The following REEP1 variants were observed in gnomAD, a reference collection of about 807,000 sequenced individuals.
REEP1 encodes receptor expression-enhancing protein 1.
REEP1 carries 22 observed loss-of-function variants against 40.3 expected under a neutral mutation model. The observed-to-expected ratio is 0.55, with a 90% confidence interval of 0.39 to 0.78. The LOEUF (loss-of-function observed/expected upper bound fraction) is 0.78. Ranked by LOEUF, REEP1 falls within the 30% of genes least tolerant of loss-of-function variation. REEP1 has a pLI of 0.00. For synonymous variants in REEP1, 116 were observed against 139.2 expected, an observed-to-expected ratio of 0.83 and a Z score of 1.17; for missense variants, 280 against 361.1, an observed-to-expected ratio of 0.78 and a Z score of 1.82.
At chr2:86,284,976 A>C (rs67903513) in intron 1 of REEP1, among the ~76,000 whole-genome samples, 49,750 of 152,184 alleles carry the variant, frequency 0.33, 9,486 homozygotes, top group Middle Eastern at 0.45. Flanking sequence ...ATGGGATGAA[A>C]ATGGTCAGTT....
intron 1 of REEP1, among the ~76,000 whole-genome samples, chr2:86,283,879 A>C (rs1285593478): frequency 2.6e-5 from 4 of 152,128 alleles, no homozygotes; most frequent in Admixed American, 2.6e-4. Context: ...GCCTCCTCCA[A>C]GCCTGGCTTC....
chr2:86,217,124 C>T lies in REEP1; in HGVS notation c.784-14G>A. The T allele has an allele frequency of 6.2e-7, 1 of 1,610,412 alleles. No individual in the cohort carries two copies. Among genetic ancestry groups the T allele is most frequent in the Non-Finnish European group, 8.5e-7 (1 of 1,176,648 alleles). On this transcript the variant is annotated splice_polypyrimidine_tract_variant and intron_variant, in intron 8 of 8. Coordinates refer to ENST00000538924, the MANE Select transcript of REEP1 (RefSeq NM_001371279.1). ...TCTAGGCGGTGCCTGGTAGAGAAAA[C>T]AGAAAGGTGTCCCTCAGTTTGGTGT...
At chr2:86,331,724 A>G (rs1680774687) in intron 1 of REEP1, among the ~76,000 whole-genome samples, 1 of 152,182 alleles carries the variant, frequency 6.6e-6, no homozygotes, top group Admixed American at 6.5e-5. Context: ...GTTAACTCAA[A>G]TAACAGATGC....
In REEP1 at chr2:86,288,692, G is replaced by A. The variant is rs368704145; in HGVS notation, c.33-6450C>T. 1.2e-4 allele frequency among the ~76,000 whole-genome samples: 18 copies of A among 152,270 alleles called. No homozygotes were observed. In the South Asian group the frequency reaches 2.5e-3, roughly 21 times the overall value. ...TCCACCAGATAATGCAAAACCACTT[G>A]CCAGAATGACTGTACCAATTTATAC... On this transcript the variant is annotated intron_variant, in intron 1 of 8. Coordinates refer to ENST00000538924, the MANE Select transcript of REEP1 (RefSeq NM_001371279.1).
At chr2:86,251,921 G>T in intron 5 of REEP1, 36 bp downstream of exon 5, 1 of 1,416,298 alleles carries the variant, frequency 7.1e-7, no homozygotes, top group South Asian at 1.1e-5. Context: ...TAGAGGGACT[G>T]AGACTCATGT....
chr2:86,273,626 C>T (rs557717868), intron 2 of REEP1, among the ~76,000 whole-genome samples: 128 of 152,236 alleles, frequency 8.4e-4, no homozygotes, highest in Middle Eastern at 3.4e-3. Context: ...CATCCACACC[C>T]CTACCCTCTC....
chr2:86,222,384 T>C (rs1020918501), intron 7 of REEP1, among the ~76,000 whole-genome samples: 1 of 152,180 alleles, frequency 6.6e-6, no homozygotes, highest in Admixed American at 6.5e-5. Flanking sequence ...GGAGCCAGAA[T>C]AGCCTCAGGA....
chr2:86,266,432 A>G (rs1677136270), intron 2 of REEP1, among the ~76,000 whole-genome samples: 1 of 150,754 alleles, frequency 6.6e-6, no homozygotes, highest in Non-Finnish European at 1.5e-5. Flanking sequence ...ATCCTGGCTA[A>G]CAAGGTGAAA....
chr2:86,237,880 T>C (rs1392003168), intron 5 of REEP1, among the ~76,000 whole-genome samples: 2 of 152,130 alleles, frequency 1.3e-5, no homozygotes, highest in Non-Finnish European at 2.9e-5. Flanking sequence ...GTCTTTTTGA[T>C]AAGAAGAAAT....
chr2:86,320,932 C>T (rs992134903), intron 1 of REEP1, among the ~76,000 whole-genome samples: 3 of 152,228 alleles, frequency 2.0e-5, no homozygotes, highest in Non-Finnish European at 2.9e-5. Context: ...GATTCTCCTG[C>T]CTCAGCCTCC....
intron 5 of REEP1, among the ~76,000 whole-genome samples, chr2:86,250,681 T>C (rs764175310): frequency 2.0e-5 from 3 of 151,884 alleles, no homozygotes; most frequent in Non-Finnish European, 4.4e-5. Flanking sequence ...TTCTGTGTTA[T>C]AGATGGAGCT....
At chr2:86,302,909 G>T (rs886428526) in intron 1 of REEP1, among the ~76,000 whole-genome samples, 55 of 152,132 alleles carry the variant, frequency 3.6e-4, no homozygotes, top group African/African-American at 1.2e-3. Context: ...CAGATCCTTT[G>T]TACTGTCATG....
intron 8 of REEP1, among the ~76,000 whole-genome samples, chr2:86,218,070 A>G (rs531719334): frequency 6.6e-6 from 1 of 152,120 alleles, no homozygotes; most frequent in East Asian, 1.9e-4. Context: ...TCATGCCTCT[A>G]TTCCTTCTGA....
At chr2:86,337,876 G>A, upstream of REEP1, 3 of 892,674 alleles carry the variant, frequency 3.4e-6, no homozygotes, top group Non-Finnish European at 3.4e-6. This position sits in a 1 kb window ranked among gnomAD's most constrained non-coding sequence, Gnocchi z 5.8. Flanking sequence ...CCGTTTGCAG[G>A]GCAGGGACCC....
rs115662954 is a variant in REEP1, at chr2:86,277,720, C to T, written c.105+4450G>A. ...AGCAACGGGAGCATGAATTGGATGG[C>T]GGAAGAGGAAAGCCTCAGGAAAACC... On this transcript the variant is annotated intron_variant, in intron 2 of 8. Coordinates refer to ENST00000538924, the MANE Select transcript of REEP1 (RefSeq NM_001371279.1). Among the ~76,000 whole-genome samples the T allele has an allele frequency of 2.9e-3, 443 of 152,206 alleles. 2 individuals are homozygous for T. Among genetic ancestry groups the T allele is most frequent in the African/African-American group, 7.5e-3 (311 of 41,516 alleles).
intron 7 of REEP1, among the ~76,000 whole-genome samples, chr2:86,225,145 A>G (rs886479466): frequency 6.6e-6 from 1 of 152,140 alleles, no homozygotes; most frequent in African/African-American, 2.4e-5. Context: ...TTCATTTCCA[A>G]CTTGGACCAG....
At chr2:86,254,223 G>T (rs1403997546) in intron 4 of REEP1, among the ~76,000 whole-genome samples, 1 of 151,890 alleles carries the variant, frequency 6.6e-6, no homozygotes, top group African/African-American at 2.4e-5. Flanking sequence ...AAGAGATGGG[G>T]ACTCTCTAGG....
chr2:86,236,372 T>C (rs148741558), intron 5 of REEP1, among the ~76,000 whole-genome samples: 8 of 152,348 alleles, frequency 5.3e-5, no homozygotes, highest in African/African-American at 1.7e-4. Flanking sequence ...TTCTAGACCA[T>C]TGTCTTCTGG....
chr2:86,272,285 T>C (rs1677500331), intron 2 of REEP1, among the ~76,000 whole-genome samples: 1 of 152,142 alleles, frequency 6.6e-6, no homozygotes, highest in South Asian at 2.1e-4. Context: ...CTCCAGTGAG[T>C]CATCTATACT....
Sources: gnomAD v4.1 joint callset for allele counts (sites outside exome capture counted in the v4.1 genomes callset) on GRCh38, gnomAD v4.1.1 for gene constraint, Gnocchi (gnomAD v3.1) non-coding constraint, MANE v1.5 for transcripts, NCBI Gene and HGNC (gene_info 2026-07-23, HGNC 2026-07-21) for gene names.